SIPA1L1: variants seen among roughly 807,000 people sequenced by gnomAD.
SIPA1L1 encodes the protein signal-induced proliferation-associated 1-like protein 1.
A neutral mutation model predicts 162.7 loss-of-function variants in SIPA1L1; 26 were observed. The observed-to-expected ratio is 0.16, with a 90% CI of 0.12 to 0.22. The LOEUF is 0.22. SIPA1L1 is among the 10% of genes least tolerant of loss of function. The probability of loss-of-function intolerance (pLI) is 1.00; values close to 1 mark genes in which losing one functional copy is unlikely to be tolerated. For synonymous variants in SIPA1L1, 829 were observed against 837.4 expected (o/e 0.99, Z 0.17); for missense variants, 1,874 against 2,241.0 (o/e 0.84, Z 3.31).
chr14:71,723,302 A>G lies in SIPA1L1; in HGVS notation c.4209-345A>G, dbSNP rs572470855. On this transcript the variant is annotated intron_variant, in intron 17 of 23. Coordinates refer to ENST00000381232, the MANE Select transcript of SIPA1L1 (RefSeq NM_001386936.1). ...CAAGACAGAGGCATGGAGACGGTAGACCTTTTACTTCTCTTTCTTCTGTCT... is the reference window on the plus strand; with the variant it reads ...CAAGACAGAGGCATGGAGACGGTAGGCCTTTTACTTCTCTTTCTTCTGTCT... Among the ~76,000 whole-genome samples, 17 of 152,284 alleles carry G rather than the reference A, an allele frequency of 1.1e-4. 1 individual carries two copies. The South Asian group carries it at 3.5e-3, about 32-fold the overall frequency.
chr14:71,538,614 C>T (rs1385889975), intron 4 of SIPA1L1, among the ~76,000 whole-genome samples: 13 of 152,230 alleles, frequency 8.5e-5, no homozygotes, highest in African/African-American at 2.4e-4. Flanking sequence ...GTTGTAATAG[C>T]GGCAGGGTCA....
chr14:71,532,011 TTC>T (rs1171039417), intron 4 of SIPA1L1, among the ~76,000 whole-genome samples: 6 of 152,050 alleles, frequency 3.9e-5, no homozygotes, highest in Non-Finnish European at 7.4e-5. Context: ...ACAATATAAT[TTC>T]TGTTTTGTTT....
chr14:71,425,728 G>T (rs1005886591), intron 2 of SIPA1L1, among the ~76,000 whole-genome samples: 1 of 152,002 alleles, frequency 6.6e-6, no homozygotes, highest in Admixed American at 6.5e-5. Context: ...TTGGTTTCTT[G>T]TGTTTTTTGA....
chr14:71,715,334 C>A (rs1566721706), intron 17 of SIPA1L1, among the ~76,000 whole-genome samples: 1 of 152,178 alleles, frequency 6.6e-6, no homozygotes, highest in Non-Finnish European at 1.5e-5. Flanking sequence ...ATGGAATACA[C>A]CATAGGATTT....
At chr14:71,340,509 A>C (rs1011381182) in intron 2 of SIPA1L1, among the ~76,000 whole-genome samples, 8 of 152,182 alleles carry the variant, frequency 5.3e-5, no homozygotes, top group African/African-American at 1.7e-4. Context: ...AGATGTAAGG[A>C]AACTGAGAAA....
chr14:71,537,077 C>G (rs956937954), intron 4 of SIPA1L1, among the ~76,000 whole-genome samples: 1 of 152,178 alleles, frequency 6.6e-6, no homozygotes, highest in African/African-American at 2.4e-5. Context: ...AGATTTATTT[C>G]AGTTACCTAT....
At chr14:71,540,061 C>G (rs2054246576) in intron 4 of SIPA1L1, among the ~76,000 whole-genome samples, 1 of 152,226 alleles carries the variant, frequency 6.6e-6, no homozygotes, top group Non-Finnish European at 1.5e-5. Flanking sequence ...TGCTCTCTCG[C>G]ATTTTATAGT....
intron 7 of SIPA1L1, among the ~76,000 whole-genome samples, chr14:71,644,058 G>A (rs1000638099): frequency 2.0e-5 from 3 of 152,066 alleles, no homozygotes; most frequent in East Asian, 1.9e-4. Flanking sequence ...TGCACACCTC[G>A]GCCTCCCAAA....
intron 2 of SIPA1L1, among the ~76,000 whole-genome samples, chr14:71,333,999 G>A (rs568063988): frequency 6.6e-6 from 1 of 152,290 alleles, no homozygotes; most frequent in East Asian, 1.9e-4. Context: ...GGATGACACC[G>A]AGGTGTTTAG....
chr14:71,733,858 G>A, intron 21 of SIPA1L1, 46 bp downstream of exon 21: 1 of 1,587,456 alleles, frequency 6.3e-7, no homozygotes, highest in Non-Finnish European at 8.6e-7. Flanking sequence ...TCCTGCAGCG[G>A]AGTGAGCAGT....
At chr14:71,563,361 GTCT>G (rs1488217915) in intron 4 of SIPA1L1, among the ~76,000 whole-genome samples, 30 of 145,366 alleles carry the variant, frequency 2.1e-4, no homozygotes. Flanking sequence ...AATTTTTTCT[GTCT>G]TCTTTTGGTT....
At chr14:71,637,041 A>G (rs1488969589) in intron 7 of SIPA1L1, among the ~76,000 whole-genome samples, 1 of 144,326 alleles carries the variant, frequency 6.9e-6, no homozygotes, top group East Asian at 2.0e-4. Context: ...ACAGAATGAG[A>G]CTCCATCTTT....
In SIPA1L1 at chr14:71,733,545, C is replaced by T. The variant is rs2084994650; in HGVS notation, c.4862-121C>T. 2.9e-6 allele frequency: 3 copies of T among 1,018,696 alleles called. 1 individual carries two copies. The Admixed American group carries it at 6.4e-5, about 22-fold the overall frequency. The allele number at this position is 1,018,696 out of a possible 1,614,324, so 63.1% of individuals were successfully genotyped here. On this transcript the variant is annotated intron_variant, in intron 20 of 23. Transcript: ENST00000381232. ...AGAATAGCCACTAACAGCCTGCTAA[C>T]CTGGACATTGATAACAGTCACAAAT... is the stretch of plus-strand genomic sequence containing the variant.
chr14:71,577,830 C>T (rs2332640), intron 4 of SIPA1L1, among the ~76,000 whole-genome samples: 124,728 of 150,796 alleles, frequency 0.83, 52,071 homozygotes, highest in East Asian at 0.94. Context: ...CCTCTGAGCT[C>T]AAGCAGCCCT....
At chr14:71,362,984 A>G (rs566780682) in intron 2 of SIPA1L1, among the ~76,000 whole-genome samples, 1 of 152,332 alleles carries the variant, frequency 6.6e-6, no homozygotes, top group African/African-American at 2.4e-5. Flanking sequence ...GTTACTTAAA[A>G]CAATTAGAGA....
At position 71,728,610 on chromosome 14, in the gene SIPA1L1, C is replaced by G. The variant is rs140939034; in HGVS notation, c.4615-1445C>G. Among the ~76,000 whole-genome samples the G allele has an allele frequency of 5.3e-5, 8 of 152,338 alleles. No individual in the cohort carries two copies. In the East Asian group the frequency reaches 1.5e-3, roughly 29 times the overall value. ...CGGAAGCATGCTAGGCCCTGTGTATCCACTGTATTTCTGGGTCTGTAATCA... is the reference window on the plus strand; with the variant it reads ...CGGAAGCATGCTAGGCCCTGTGTATGCACTGTATTTCTGGGTCTGTAATCA... On this transcript the variant is annotated intron_variant, in intron 19 of 23. Transcript: ENST00000381232.
intron 2 of SIPA1L1, among the ~76,000 whole-genome samples, chr14:71,448,117 T>G (rs1000507438): frequency 1.3e-5 from 2 of 152,230 alleles, no homozygotes; most frequent in African/African-American, 4.8e-5. Flanking sequence ...ATGAGGAAAC[T>G]GAAGGAACTT....
chr14:71,371,965 C>T (rs939825940), intron 2 of SIPA1L1, among the ~76,000 whole-genome samples: 2 of 152,268 alleles, frequency 1.3e-5, no homozygotes, highest in South Asian at 2.1e-4. Flanking sequence ...TAATGCATCT[C>T]AAGTTTAACA....
chr14:71,511,398 C>T lies in SIPA1L1; in HGVS notation c.-464-1345C>T, dbSNP rs546287819. 8.8e-4 allele frequency among the ~76,000 whole-genome samples: 134 copies of T among 152,270 alleles called. 1 individual carries two copies. The highest frequency in any genetic ancestry group is 8.7e-3 in the Admixed American group (133 of 15,294). Reference sequence around the variant, plus strand: ...CTTCTGGACTCAAGCAATTCTCCCACCTCAGCCTCCCTAGTAGCTGAGACT... The same window carrying T: ...CTTCTGGACTCAAGCAATTCTCCCATCTCAGCCTCCCTAGTAGCTGAGACT... On this transcript the variant is annotated intron_variant, in intron 2 of 23. Coordinates refer to ENST00000381232, the MANE Select transcript of SIPA1L1 (RefSeq NM_001386936.1).
Sources: gnomAD v4.1 joint callset for allele counts (sites outside exome capture counted in the v4.1 genomes callset) on GRCh38, gnomAD v4.1.1 for gene constraint, MANE v1.5 for transcripts, NCBI Gene and HGNC (gene_info 2026-07-23, HGNC 2026-07-21) for gene names.